The following HECTD4 variants were observed in gnomAD, a reference collection of about 807,000 sequenced individuals.
HECTD4 encodes the protein probable E3 ubiquitin-protein ligase HECTD4.
Under a neutral mutation model 471.5 loss-of-function variants are expected in HECTD4, and 114 were observed. The observed-to-expected ratio is 0.24, with a 90% confidence interval of 0.21 to 0.28. The LOEUF (loss-of-function observed/expected upper bound fraction) is 0.28, where lower values mean the gene tolerates loss of function less well. HECTD4 is among the 10% of genes least tolerant of loss of function. The pLI is 1.00. For missense variants in HECTD4, 3,866 were observed against 5,651.5 expected, an observed-to-expected ratio of 0.68 and a Z score of 10.13; for synonymous variants, 2,012 against 2,256.0, an observed-to-expected ratio of 0.89 and a Z score of 3.07.
At chr12:112,348,399 A>G (rs1057236441) in intron 1 of HECTD4, among the ~76,000 whole-genome samples, 1 of 152,236 alleles carries the variant, frequency 6.6e-6, no homozygotes, top group Non-Finnish European at 1.5e-5. Flanking sequence ...ATGTTGTATC[A>G]AACAGAACTA....
In HECTD4 at chr12:112,163,342, G is replaced by A; in HGVS notation, c.12898-78C>T. The stretch of plus-strand genomic sequence containing the variant: ...GCCTCCCCAGCCCTGGGGTCTGCAG[G>A]CCAGGCCCAATCCTGGGGCAGGGTG... On this transcript the variant is annotated intron_variant, in intron 74 of 75. Transcript: ENST00000682272. This position sits in a 1 kb window ranked among gnomAD's most constrained non-coding sequence, Gnocchi z 8.2. 1 of 1,350,694 alleles carries A rather than the reference G, an allele frequency of 7.4e-7. No homozygotes were observed. Among genetic ancestry groups the A allele is most frequent in the Non-Finnish European group, 1.0e-6 (1 of 982,792 alleles). 83.7% of individuals were successfully genotyped at this position (1,350,694 alleles called of 1,614,324 possible).
At chr12:112,348,841 T>G (rs1021889520) in intron 1 of HECTD4, among the ~76,000 whole-genome samples, 2 of 152,182 alleles carry the variant, frequency 1.3e-5, no homozygotes, top group African/African-American at 4.8e-5. Context: ...AACCTATGTA[T>G]GTATATATAC....
At chr12:112,209,480 C>A (rs1312692006) in intron 50 of HECTD4, among the ~76,000 whole-genome samples, 1 of 152,142 alleles carries the variant, frequency 6.6e-6, no homozygotes, top group Non-Finnish European at 1.5e-5. Flanking sequence ...GCACACGCCA[C>A]CACCCCCAGC....
intron 48 of HECTD4, among the ~76,000 whole-genome samples, chr12:112,214,839 A>G (rs547428190): frequency 6.6e-6 from 1 of 152,202 alleles, no homozygotes; most frequent in Non-Finnish European, 1.5e-5. Flanking sequence ...TCATAGTATG[A>G]CTTGGCTTGA....
Position 112,185,071 on chromosome 12 carries a change from G to GGGAGGACGAGGAGGA in HECTD4, c.9880_9894dup (p.Ser3294_Ser3298dup). The GGGAGGACGAGGAGGA allele has an allele frequency of 5.7e-6, 9 of 1,584,190 alleles. No homozygotes were observed. The highest frequency in any genetic ancestry group is 2.3e-5 in the East Asian group (1 of 43,582). On this transcript the variant is annotated inframe_insertion, in exon 61 of 76. Coordinates refer to ENST00000682272, the MANE Select transcript of HECTD4 (RefSeq NM_001388303.1). ...CTGGGACTCTGTGGGGTCTGTCCTGGGGAGGACGAGGAGGAGGAGGACGAG... is the reference window on the plus strand; with the variant it reads ...CTGGGACTCTGTGGGGTCTGTCCTGGGGAGGACGAGGAGGAGGAGGACGAGGAGGAGGAGGACGAG...
chr12:112,205,230 G>A (rs2032540822), intron 52 of HECTD4, among the ~76,000 whole-genome samples: 1 of 151,862 alleles, frequency 6.6e-6, no homozygotes, highest in Non-Finnish European at 1.5e-5. Flanking sequence ...GAGGTCAGGA[G>A]TTTGAGACCA....
intron 27 of HECTD4, 54 bp downstream of exon 27, chr12:112,248,013 A>G (rs1302731524): frequency 3.3e-6 from 4 of 1,219,452 alleles, no homozygotes; most frequent in Non-Finnish European, 3.5e-6. Context: ...CACAGTATAT[A>G]CCTTTGCTCT....
chr12:112,175,925 C>A, intron 65 of HECTD4, 66 bp from the exon 66 acceptor site: 1 of 1,583,606 alleles, frequency 6.3e-7, no homozygotes, highest in Non-Finnish European at 8.6e-7. Flanking sequence ...CTCCAACGTG[C>A]TCTGCTCTCA....
chr12:112,377,263 C>G (rs2036798509), intron 1 of HECTD4, among the ~76,000 whole-genome samples: 1 of 151,562 alleles, frequency 6.6e-6, no homozygotes, highest in African/African-American at 2.4e-5. Flanking sequence ...AGCAAGGCCC[C>G]AACTCTAATA....
At position 112,164,329 on chromosome 12, in the gene HECTD4, C is replaced by CTGAT. The variant is rs548543216; in HGVS notation, c.12535-58_12535-55dup. 1.9e-4 allele frequency: 302 copies of CTGAT among 1,556,926 alleles called. No homozygotes were observed. In the African/African-American group the frequency reaches 3.7e-3, roughly 19 times the overall value. On this transcript the variant is annotated intron_variant, in intron 72 of 75. Coordinates refer to ENST00000682272, the MANE Select transcript of HECTD4 (RefSeq NM_001388303.1). ...TTATGAGGCCATGGGAGGTGGAACC[C>CTGAT]TGATCCCCAGGTGGCTGGGTAAACC...
intron 1 of HECTD4, among the ~76,000 whole-genome samples, chr12:112,379,148 A>C (rs2036842151): frequency 6.6e-6 from 1 of 152,234 alleles, no homozygotes; most frequent in African/African-American, 2.4e-5. Flanking sequence ...CAGTTATGAA[A>C]TTTAAAATAA....
At chr12:112,196,411 ACACACTTCT>A in intron 55 of HECTD4, among the ~76,000 whole-genome samples, 1 of 152,114 alleles carries the variant, frequency 6.6e-6, no homozygotes, top group South Asian at 2.1e-4. Context: ...TGAACAATAA[ACACACTTCT>A]CCTGTCTCCT....
chr12:112,252,404 C>T lies in HECTD4; in HGVS notation c.3552+20G>A. Reference sequence around the variant, plus strand: ...AGCAGATAGTACATTTTGTCCACGGCAGTGGTTAGATTCAAGTACCTGAGC... The same window carrying T: ...AGCAGATAGTACATTTTGTCCACGGTAGTGGTTAGATTCAAGTACCTGAGC... On this transcript the variant is annotated intron_variant, in intron 23 of 75. Transcript: ENST00000682272. 1 of 1,572,688 alleles carries T rather than the reference C, an allele frequency of 6.4e-7. No individual in the cohort carries two copies. Among genetic ancestry groups the T allele is most frequent in the Non-Finnish European group, 8.6e-7 (1 of 1,163,704 alleles).
chr12:112,350,325 A>C (rs1330266246), intron 1 of HECTD4, among the ~76,000 whole-genome samples: 4 of 152,216 alleles, frequency 2.6e-5, no homozygotes, highest in African/African-American at 9.6e-5. Flanking sequence ...TTCTCATGAT[A>C]TGCTAAAAGG....
rs374383044 is a variant in HECTD4 at position 112,179,293 on chromosome 12, C to T, written c.11092G>A (p.Val3698Ile). ...LSLTPAKPIR[V>I]SDIYLSKEQI... ...TCTTTGCTAAGATAAATGTCAGAGA[C>T]TCTGATGGGCTTCGCTGGTGTCAGG... Residue 3698 changes from valine to isoleucine, a missense_variant, in exon 63 of 76, where the codon GTC becomes ATC. Val to Ile is a conservative substitution (Grantham distance 29). Transcript: ENST00000682272. This position sits in a 1 kb window ranked among gnomAD's most constrained non-coding sequence, Gnocchi z 4.3. 3.5e-5 allele frequency: 56 copies of T among 1,613,370 alleles called. No individual in the cohort carries two copies. In the South Asian group the frequency reaches 4.4e-4, roughly 13 times the overall value.
chr12:112,271,761 T>TG (rs564781901), intron 11 of HECTD4, among the ~76,000 whole-genome samples: 470 of 152,356 alleles, frequency 3.1e-3, no homozygotes, highest in Non-Finnish European at 5.9e-3. Context: ...TTCCATTTTT[T>TG]TTTGTTGTTG....
chr12:112,196,456 C>A (rs2032247470), intron 55 of HECTD4, among the ~76,000 whole-genome samples: 1 of 152,194 alleles, frequency 6.6e-6, no homozygotes, highest in East Asian at 1.9e-4. Context: ...CATGTGTTCA[C>A]TGCATTAACA....
chr12:112,200,155 A>ACTT (rs2032375600), intron 55 of HECTD4, among the ~76,000 whole-genome samples: 1 of 135,700 alleles, frequency 7.4e-6, no homozygotes, highest in African/African-American at 2.7e-5. Context: ...TAGATCCCCC[A>ACTT]TTTTTTTTTT....
intron 1 of HECTD4, among the ~76,000 whole-genome samples, chr12:112,348,002 C>T (rs758984889): frequency 1.2e-4 from 19 of 152,140 alleles, no homozygotes; most frequent in East Asian, 3.9e-4. Context: ...AGAAATAGTT[C>T]GCTTCTGAGT....
Sources: gnomAD v4.1 joint callset for allele counts (sites outside exome capture counted in the v4.1 genomes callset) on GRCh38, gnomAD v4.1.1 for gene constraint, Gnocchi (gnomAD v3.1) non-coding constraint, MANE v1.5 for transcripts, NCBI Gene and HGNC (gene_info 2026-07-23, HGNC 2026-07-21) for gene names.